The following ZDHHC14 variants were observed in gnomAD, a reference collection of about 807,000 sequenced individuals.
The protein encoded by ZDHHC14 is zDHHC palmitoyltransferase 14.
Under a neutral mutation model 47.7 loss-of-function variants are expected in ZDHHC14, and 16 were observed. The observed-to-expected ratio is 0.34, with a 90% CI of 0.23 to 0.51. The LOEUF is 0.51. Ranked by LOEUF, ZDHHC14 falls within the 20% of genes least tolerant of loss-of-function variation. The probability of loss-of-function intolerance (pLI) is 0.97; values close to 1 mark genes in which losing one functional copy is unlikely to be tolerated. For missense variants in ZDHHC14, 515 were observed against 662.5 expected (o/e 0.78, Z 2.44); for synonymous variants, 293 against 278.9 (o/e 1.05, Z -0.50).
intron 1 of ZDHHC14, among the ~76,000 whole-genome samples, chr6:157,411,969 C>T (rs968533200): frequency 4.3e-4 from 65 of 151,496 alleles, no homozygotes; most frequent in African/African-American, 1.4e-3. Context: ...GATGGAGTCT[C>T]GCTCTGTCAC....
At chr6:157,446,360 T>A (rs955258057) in intron 1 of ZDHHC14, among the ~76,000 whole-genome samples, 1 of 152,176 alleles carries the variant, frequency 6.6e-6, no homozygotes, top group Non-Finnish European at 1.5e-5. Flanking sequence ...ATGTTTTCCC[T>A]GACCCTCCAG....
At chr6:157,462,321 G>A (rs977093062) in intron 1 of ZDHHC14, among the ~76,000 whole-genome samples, 27 of 152,222 alleles carry the variant, frequency 1.8e-4, no homozygotes, top group African/African-American at 6.5e-4. Flanking sequence ...GAGATTCACT[G>A]TAGGTTTCCA....
chr6:157,635,290 G>T (rs551428231), intron 5 of ZDHHC14, among the ~76,000 whole-genome samples: 30 of 152,302 alleles, frequency 2.0e-4, no homozygotes, highest in African/African-American at 6.7e-4. Context: ...ACCGCGCCCA[G>T]CCACTGCCTG....
chr6:157,653,682 A>T (rs906448842), intron 8 of ZDHHC14, 55 bp downstream of exon 8: 27 of 1,554,604 alleles, frequency 1.7e-5, no homozygotes, highest in Non-Finnish European at 8.8e-7. Context: ...TTGTGTGCTC[A>T]CTAACAGGCC....
At chr6:157,408,423 T>G (rs1386905391) in intron 1 of ZDHHC14, among the ~76,000 whole-genome samples, 1 of 152,274 alleles carries the variant, frequency 6.6e-6, no homozygotes, top group African/African-American at 2.4e-5. Flanking sequence ...AAGGTCAGCA[T>G]TCATTAGCTA....
intron 1 of ZDHHC14, among the ~76,000 whole-genome samples, chr6:157,407,224 G>A (rs1430984133): frequency 2.0e-5 from 3 of 152,184 alleles, no homozygotes; most frequent in African/African-American, 4.8e-5. Context: ...GGGTTGCAGA[G>A]CTGCTGGCGT....
chr6:157,428,498 T>TGTTG (rs1343481929), intron 1 of ZDHHC14, among the ~76,000 whole-genome samples: 2 of 152,210 alleles, frequency 1.3e-5, no homozygotes, highest in Non-Finnish European at 2.9e-5. Context: ...AAGGTCATCT[T>TGTTG]ACATAAAAGG....
intron 1 of ZDHHC14, among the ~76,000 whole-genome samples, chr6:157,408,460 C>A (rs1294428363): frequency 6.6e-6 from 1 of 152,166 alleles, no homozygotes; most frequent in Non-Finnish European, 1.5e-5. Context: ...CCCTCCACGC[C>A]CTCCAACAGG....
At chr6:157,410,162 A>G (rs531029615) in intron 1 of ZDHHC14, among the ~76,000 whole-genome samples, 86 of 152,102 alleles carry the variant, frequency 5.7e-4, no homozygotes, top group African/African-American at 2.0e-3. Context: ...CACTTCCCAG[A>G]CTGTCCTTTC....
At chr6:157,613,256 A>G (rs1459178105) in intron 3 of ZDHHC14, among the ~76,000 whole-genome samples, 3 of 152,202 alleles carry the variant, frequency 2.0e-5, no homozygotes, top group East Asian at 3.8e-4. Context: ...TAGGAAATAC[A>G]TTTTCTACTG....
intron 7 of ZDHHC14, among the ~76,000 whole-genome samples, chr6:157,648,513 G>A (rs1186637719): frequency 1.3e-5 from 2 of 150,912 alleles, no homozygotes; most frequent in African/African-American, 4.9e-5. Flanking sequence ...GAGTCACCGT[G>A]GTGCTACTGC....
intron 3 of ZDHHC14, among the ~76,000 whole-genome samples, chr6:157,616,636 A>T (rs188402729): frequency 4.6e-4 from 70 of 152,256 alleles, no homozygotes; most frequent in African/African-American, 1.7e-3. Context: ...CCTCGAACTG[A>T]AGGGACAGAG....
rs1310713391 is a variant in ZDHHC14 at position 157,636,568 on chromosome 6, C to T, written c.752+3686C>T. On this transcript the variant is annotated intron_variant, in intron 5 of 8. Coordinates refer to ENST00000359775, the MANE Select transcript of ZDHHC14 (RefSeq NM_024630.3). Reference sequence around the variant, plus strand: ...GCACCTACATTATGGACCCGAGGTCCTGCTGGGCTCCTGCCTGGGAAAAGG... The same window carrying T: ...GCACCTACATTATGGACCCGAGGTCTTGCTGGGCTCCTGCCTGGGAAAAGG... 2.6e-5 allele frequency among the ~76,000 whole-genome samples: 4 copies of T among 152,140 alleles called. No homozygotes were observed. The East Asian group carries it at 7.7e-4, about 29-fold the overall frequency.
intron 3 of ZDHHC14, among the ~76,000 whole-genome samples, chr6:157,595,575 A>C (rs1200181625): frequency 6.6e-6 from 1 of 152,178 alleles, no homozygotes; most frequent in Non-Finnish European, 1.5e-5. Context: ...GATTATTATC[A>C]GACACTGCTC....
At chr6:157,440,372 C>G (rs1026302594) in intron 1 of ZDHHC14, among the ~76,000 whole-genome samples, 1 of 151,984 alleles carries the variant, frequency 6.6e-6, no homozygotes, top group African/African-American at 2.4e-5. Flanking sequence ...TCACACCCAC[C>G]GGGATTGTGA....
intron 5 of ZDHHC14, among the ~76,000 whole-genome samples, chr6:157,644,255 G>A (rs985090410): frequency 2.0e-5 from 3 of 152,202 alleles, no homozygotes; most frequent in African/African-American, 7.2e-5. Flanking sequence ...GATGTGGGTG[G>A]AGAGAGGGGC....
At chr6:157,622,231 AAAAAAAAAT>A (rs1176865774) in intron 3 of ZDHHC14, among the ~76,000 whole-genome samples, 1 of 150,922 alleles carries the variant, frequency 6.6e-6, no homozygotes, top group Non-Finnish European at 1.5e-5. Flanking sequence ...AAAAAAAAAA[AAAAAAAAAT>A]AGCCAGATGT....
intron 7 of ZDHHC14, among the ~76,000 whole-genome samples, chr6:157,648,632 G>T (rs1385268413): frequency 6.6e-6 from 1 of 152,214 alleles, no homozygotes; most frequent in Non-Finnish European, 1.5e-5. Context: ...CCTCCTCAGA[G>T]GCTTAGAAAG....
At chr6:157,464,529 C>T (rs1320144323) in intron 1 of ZDHHC14, among the ~76,000 whole-genome samples, 1 of 152,166 alleles carries the variant, frequency 6.6e-6, no homozygotes, top group Non-Finnish European at 1.5e-5. Flanking sequence ...TACTTGTGCT[C>T]TTCAAATTAC....
Sources: gnomAD v4.1 joint callset for allele counts (sites outside exome capture counted in the v4.1 genomes callset) on GRCh38, gnomAD v4.1.1 for gene constraint, MANE v1.5 for transcripts, NCBI Gene and HGNC (gene_info 2026-07-23, HGNC 2026-07-21) for gene names.